The following TMPRSS11B variants were observed in gnomAD, a reference collection of about 807,000 sequenced individuals.
The protein encoded by TMPRSS11B is transmembrane protease serine 11B.
In TMPRSS11B, 53 loss-of-function variants were observed where a neutral mutation model predicts 44.7. The observed-to-expected ratio is 1.19, with a 90% CI of 0.95 to 1.49. The LOEUF is 1.49. TMPRSS11B is among the 40% of genes most tolerant of loss of function. TMPRSS11B has a pLI of 0.00. For synonymous variants in TMPRSS11B, 140 were observed against 159.2 expected, an observed-to-expected ratio of 0.88 and a Z score of 0.91; for missense variants, 526 against 494.8, an observed-to-expected ratio of 1.06 and a Z score of -0.60.
At chr4:68,240,976 G>A (rs10009365) in intron 2 of TMPRSS11B, among the ~76,000 whole-genome samples, 3,101 of 152,072 alleles carry the variant, frequency 0.02, 99 homozygotes, top group African/African-American at 0.07. Flanking sequence ...AAAAGCTTGT[G>A]GTATCAAGCA....
chr4:68,240,168 C>G (rs1264266403), intron 2 of TMPRSS11B, among the ~76,000 whole-genome samples: 1 of 152,160 alleles, frequency 6.6e-6, no homozygotes, highest in Non-Finnish European at 1.5e-5. Context: ...TGCCATCCAG[C>G]TAATTTCATA....
At chr4:68,242,284 TTATATTATACATAA>T (rs1719863953) in intron 1 of TMPRSS11B, among the ~76,000 whole-genome samples, 1 of 77,412 alleles carries the variant, frequency 1.3e-5, no homozygotes, top group Non-Finnish European at 2.3e-5. Flanking sequence ...ATTATATATA[TTATATTATACATAA>T]TATAATATAT....
Position 68,236,013 on chromosome 4 carries a change from G to T in TMPRSS11B, c.297C>A (p.Val99=). ...GAACTTGTACTTACAGAAGTTTGAT[G>T]ACCTCAGATTTGACATATTCCTTAT... ...SIYKEYVKSE[V]IKLLPNANGS... The change falls in exon 4 of 10, where the codon GTC becomes GTA. Residue 99 remains valine (V), a synonymous_variant. Transcript: ENST00000332644. 4 of 1,564,578 alleles carry T rather than the reference G, an allele frequency of 2.6e-6. No homozygotes were observed. In the South Asian group the frequency reaches 5.0e-5, roughly 20 times the overall value.
chr4:68,241,538 T>A, intron 2 of TMPRSS11B, 151 bp downstream of exon 2: 1 of 572,302 alleles, frequency 1.7e-6, no homozygotes. Flanking sequence ...AAAAATTTTA[T>A]AAATTTCTGT....
chr4:68,245,156 G>C (rs1012862997), intron 1 of TMPRSS11B, among the ~76,000 whole-genome samples: 2 of 151,960 alleles, frequency 1.3e-5, no homozygotes, highest in African/African-American at 4.8e-5. Context: ...ATATATAATG[G>C]CATTCATATT....
rs780548358 is a variant in TMPRSS11B at position 68,228,804 on chromosome 4, C to G, written c.1027G>C (p.Gly343Arg). ...CATAACATTGTATCAGTCACAAAGCCAGAGTATGCATATGAGGCATTGCAA... is the reference window on the plus strand; with the variant it reads ...CATAACATTGTATCAGTCACAAAGCGAGAGTATGCATATGAGGCATTGCAA... ...KICNASYAYS[G>R]FVTDTMLCAG... Residue 343 changes from glycine (G) to arginine (R), a missense_variant, in exon 9 of 10, where the codon GGC becomes CGC. Coordinates refer to ENST00000332644, the MANE Select transcript of TMPRSS11B (RefSeq NM_182502.3). The G allele has an allele frequency of 6.2e-7, 1 of 1,613,732 alleles. No individual in the cohort carries two copies. Among genetic ancestry groups the G allele is most frequent in the South Asian group, 1.1e-5 (1 of 91,000 alleles).
chr4:68,229,496 C>G lies in TMPRSS11B; in HGVS notation c.707G>C (p.Trp236Ser). 1 of 1,612,126 alleles carries G rather than the reference C, an allele frequency of 6.2e-7. No individual in the cohort carries two copies. Among genetic ancestry groups the G allele is most frequent in the Non-Finnish European group, 8.5e-7 (1 of 1,178,890 alleles). ...CFAKKNNSKDWTVNFGIVVNK... is the reference protein window; with the variant it reads ...CFAKKNNSKDSTVNFGIVVNK... Reference sequence around the variant, plus strand: ...TACTACAATTCCAAAGTTGACAGTCCAATCTTTTGAATTATTTTTCCTAGA... The same window carrying G: ...TACTACAATTCCAAAGTTGACAGTCGAATCTTTTGAATTATTTTTCCTAGA... Residue 236 changes from tryptophan to serine, a missense_variant, in exon 8 of 10, where the codon TGG becomes TCG. Transcript: ENST00000332644.
intron 2 of TMPRSS11B, among the ~76,000 whole-genome samples, chr4:68,240,647 T>A (rs957755271): frequency 2.0e-5 from 3 of 152,126 alleles, no homozygotes; most frequent in Admixed American, 6.6e-5. Flanking sequence ...AAGAATGTTA[T>A]TTTTTAATGA....
intron 1 of TMPRSS11B, among the ~76,000 whole-genome samples, chr4:68,244,050 G>A (rs899866778): frequency 1.3e-5 from 2 of 152,060 alleles, no homozygotes; most frequent in African/African-American, 4.8e-5. Flanking sequence ...TCTAATAAAT[G>A]TAGCCTCTGG....
chr4:68,238,058 C>T (rs112158508), intron 2 of TMPRSS11B, among the ~76,000 whole-genome samples: 2,492 of 152,076 alleles, frequency 0.016, 59 homozygotes, highest in African/African-American at 0.055. Flanking sequence ...AAAGAATACC[C>T]TGTTTTGGTT....
At chr4:68,242,279 A>G (rs1719862567) in intron 1 of TMPRSS11B, among the ~76,000 whole-genome samples, 1 of 77,736 alleles carries the variant, frequency 1.3e-5, no homozygotes, top group Non-Finnish European at 2.3e-5. Context: ...ATAATATTAT[A>G]TATATTATAT....
chr4:68,244,259 G>A (rs1286217334), intron 1 of TMPRSS11B, among the ~76,000 whole-genome samples: 1 of 152,178 alleles, frequency 6.6e-6, no homozygotes. Flanking sequence ...AATCTTCAAT[G>A]AATTTAACCA....
In TMPRSS11B at chr4:68,237,888, G is replaced by A. The variant is rs575574797; in HGVS notation, c.125-1622C>T. 6.6e-5 allele frequency among the ~76,000 whole-genome samples: 10 copies of A among 152,198 alleles called. No homozygotes were observed. In the South Asian group the frequency reaches 1.7e-3, roughly 25 times the overall value. ...AAAAATTTGCTGGGCATGGTGGCAC[G>A]TGCCTGTAGTCCCAGCTACTGAGGA... On this transcript the variant is annotated intron_variant, in intron 2 of 9. Coordinates refer to ENST00000332644, the MANE Select transcript of TMPRSS11B (RefSeq NM_182502.3).
intron 1 of TMPRSS11B, among the ~76,000 whole-genome samples, chr4:68,243,276 G>T (rs1192318022): frequency 6.6e-6 from 1 of 152,090 alleles, no homozygotes; most frequent in Admixed American, 6.6e-5. Flanking sequence ...TATTTCCTAT[G>T]AGTATGTGAA....
intron 1 of TMPRSS11B, among the ~76,000 whole-genome samples, chr4:68,243,908 A>G (rs1442489836): frequency 1.3e-5 from 2 of 152,168 alleles, no homozygotes; most frequent in African/African-American, 2.4e-5. Flanking sequence ...ATTTCTGAAG[A>G]GTACATATTA....
At chr4:68,234,790 A>G (rs911730767) in intron 4 of TMPRSS11B, among the ~76,000 whole-genome samples, 167 bp from the exon 5 acceptor site, 1 of 152,254 alleles carries the variant, frequency 6.6e-6, no homozygotes, top group South Asian at 2.1e-4. Flanking sequence ...ATCTAAAAAA[A>G]CTTCTAGTAC....
intron 4 of TMPRSS11B, among the ~76,000 whole-genome samples, chr4:68,235,053 C>T (rs1719622800): frequency 6.6e-6 from 1 of 152,084 alleles, no homozygotes; most frequent in South Asian, 2.1e-4. Flanking sequence ...ATTTAGAAGC[C>T]AGTGCTAACC....
chr4:68,235,586 T>C (rs537184904), intron 4 of TMPRSS11B, among the ~76,000 whole-genome samples: 1 of 152,316 alleles, frequency 6.6e-6, no homozygotes, highest in Admixed American at 6.5e-5. Context: ...GGATGATAAT[T>C]ATTAAGGAAA....
In TMPRSS11B at chr4:68,241,621, T is replaced by G. The variant is rs944091281; in HGVS notation, c.124+68A>C. On this transcript the variant is annotated intron_variant, in intron 2 of 9. Transcript: ENST00000332644. ...AAGAAGAAATTTAATGTTCATGTTG[T>G]TTTTTTTCAATTTTTAAAATTTAAA... is the stretch of plus-strand genomic sequence containing the variant. 9.4e-5 allele frequency: 91 copies of G among 970,392 alleles called. 1 individual carries two copies. In the Admixed American group the frequency reaches 1.3e-3, roughly 14 times the overall value. 60.1% of individuals were successfully genotyped at this position (970,392 alleles called of 1,614,324 possible). A position where few individuals can be genotyped will look rare whatever the true frequency, so the allele number is the denominator to read the frequency against.
Sources: gnomAD v4.1 joint callset for allele counts (sites outside exome capture counted in the v4.1 genomes callset) on GRCh38, gnomAD v4.1.1 for gene constraint, MANE v1.5 for transcripts, NCBI Gene and HGNC (gene_info 2026-07-23, HGNC 2026-07-21) for gene names.